SLC19A3: variants seen among roughly 807,000 people sequenced by gnomAD.
SLC19A3 encodes the protein solute carrier family 19 member 3.
SLC19A3 carries 31 observed loss-of-function variants against 40.2 expected under a neutral mutation model. The observed-to-expected ratio is 0.77, with a 90% CI of 0.58 to 1.04. SLC19A3 has a LOEUF of 1.04. Among genes scored for constraint, SLC19A3 ranks in the 50% least tolerant of loss-of-function variants. SLC19A3 has a pLI of 0.00. For missense variants in SLC19A3, 592 were observed against 596.7 expected (o/e 0.99, Z 0.08); for synonymous variants, 212 against 227.5 (o/e 0.93, Z 0.61).
intron 3 of SLC19A3, among the ~76,000 whole-genome samples, 192 bp downstream of exon 3, chr2:227,698,544 G>C (rs1695531846): frequency 6.6e-6 from 1 of 151,874 alleles, no homozygotes; most frequent in East Asian, 1.9e-4. Flanking sequence ...CGTGATCCAC[G>C]CGTCTCAGCT....
At chr2:227,710,898 A>G (rs1001522308) in intron 1 of SLC19A3, among the ~76,000 whole-genome samples, 8 of 152,228 alleles carry the variant, frequency 5.3e-5, no homozygotes, top group African/African-American at 1.9e-4. Flanking sequence ...TCTGATTACT[A>G]AAAACAAAAA....
intron 4 of SLC19A3, among the ~76,000 whole-genome samples, chr2:227,690,661 C>T (rs1391729564): frequency 2.4e-5 from 3 of 124,138 alleles, no homozygotes; most frequent in Admixed American, 2.1e-4. Flanking sequence ...GAGCTGAGAT[C>T]GTGCCACTGC....
At chr2:227,714,805 C>CTT (rs869073195) in intron 1 of SLC19A3, among the ~76,000 whole-genome samples, 1,586 of 79,916 alleles carry the variant, frequency 0.02, 74 homozygotes, top group East Asian at 0.028. Flanking sequence ...CCTGACTATT[C>CTT]TTTTTTTTTT....
chr2:227,707,557 G>A (rs1053551591), intron 1 of SLC19A3, among the ~76,000 whole-genome samples: 10 of 151,588 alleles, frequency 6.6e-5, no homozygotes, highest in East Asian at 1.9e-4. Flanking sequence ...CACTCCAGCC[G>A]GGCAACGGAG....
In SLC19A3 at chr2:227,699,315, C is replaced by T. The variant is rs755314399; in HGVS notation, c.400G>A (p.Glu134Lys). ...YAYIYSVVSP[E>K]HYQRVSGYCR... ...TAGCCGCTCACTCTCTGGTAGTGCT[C>T]GGGGCTGACCACGCTGTATATGTAG... The change falls in exon 3 of 6, where the codon GAG becomes AAG. Residue 134 changes from glutamate (E) to lysine (K), a missense_variant. By Grantham distance (56) the Glu-to-Lys change is moderately conservative. Transcript: ENST00000644224. 8.1e-6 allele frequency: 13 copies of T among 1,614,032 alleles called. No individual in the cohort carries two copies. In the African/African-American group the frequency reaches 1.1e-4, roughly 13 times the overall value.
At position 227,712,923 on chromosome 2, in the gene SLC19A3, G is replaced by A. The variant is rs1403184751; in HGVS notation, c.-3+5020C>T. Among the ~76,000 whole-genome samples the A allele has an allele frequency of 3.3e-5, 5 of 152,298 alleles. No individual in the cohort carries two copies. In the South Asian group the frequency reaches 8.3e-4, roughly 25 times the overall value. On this transcript the variant is annotated intron_variant, in intron 1 of 5. Coordinates refer to ENST00000644224, the MANE Select transcript of SLC19A3 (RefSeq NM_025243.4). ...CCTGGGGTGGGAGGTAGGGAAGAGA[G>A]TGACTGCAATAGAGCGCAGGGGAAC... is the stretch of plus-strand genomic sequence containing the variant.
intron 2 of SLC19A3, chr2:227,701,359 C>A (rs561917460): frequency 5.3e-6 from 1 of 189,776 alleles, no homozygotes; most frequent in Non-Finnish European, 1.1e-5. Context: ...CGGTGGCTCA[C>A]GCCTGTAATC....
chr2:227,688,770 A>G (rs1695115003), intron 4 of SLC19A3, among the ~76,000 whole-genome samples: 1 of 152,132 alleles, frequency 6.6e-6, no homozygotes, highest in Non-Finnish European at 1.5e-5. Flanking sequence ...GTTCTCACCA[A>G]ACAAACTAAA....
intron 1 of SLC19A3, among the ~76,000 whole-genome samples, chr2:227,708,293 T>G (rs1696020589): frequency 6.6e-6 from 1 of 152,200 alleles, no homozygotes; most frequent in African/African-American, 2.4e-5. Context: ...TTGCAACCTA[T>G]TACATGTTTG....
intron 4 of SLC19A3, among the ~76,000 whole-genome samples, chr2:227,690,038 A>G (rs1193763877): frequency 6.6e-6 from 1 of 152,216 alleles, no homozygotes; most frequent in Non-Finnish European, 1.5e-5. Flanking sequence ...AAATTAAATT[A>G]TATCACCAGA....
chr2:227,690,474 G>A lies in SLC19A3; in HGVS notation c.1173-2167C>T, dbSNP rs553535846. ...TGTAATCCCAGCACTTTGGGAGGCC[G>A]AGGTGGGCAGATCATGAGGTCAGGA... On this transcript the variant is annotated intron_variant, in intron 4 of 5. Coordinates refer to ENST00000644224, the MANE Select transcript of SLC19A3 (RefSeq NM_025243.4). 1.3e-4 allele frequency among the ~76,000 whole-genome samples: 20 copies of A among 152,066 alleles called. No individual in the cohort carries two copies. The South Asian group carries it at 3.3e-3, about 25-fold the overall frequency.
chr2:227,704,468 G>A (rs1244182970), intron 1 of SLC19A3, among the ~76,000 whole-genome samples: 1 of 152,202 alleles, frequency 6.6e-6, no homozygotes, highest in African/African-American at 2.4e-5. Context: ...GCACATGGAG[G>A]TGGTATGGTT....
Position 227,686,344 on chromosome 2 carries a change from A to G in SLC19A3, c.*1053T>C. The G allele has an allele frequency of 7.5e-6, 2 of 267,428 alleles. 1 individual carries two copies. Among genetic ancestry groups the G allele is most frequent in the South Asian group, 6.7e-5 (2 of 29,754 alleles). The allele number at this position is 267,428 out of a possible 1,614,324, so 16.6% of individuals were successfully genotyped here. On this transcript the variant is annotated 3_prime_UTR_variant, in exon 6 of 6. Transcript: ENST00000644224. Reference sequence around the variant, plus strand: ...TCTTTTTTGGGAGGAGGGGGATGAGAGTCTTACTCTGTTGCCCAGGCTGGA... The same window carrying G: ...TCTTTTTTGGGAGGAGGGGGATGAGGGTCTTACTCTGTTGCCCAGGCTGGA...
At chr2:227,693,695 G>T (rs1695317674) in intron 4 of SLC19A3, among the ~76,000 whole-genome samples, 1 of 152,032 alleles carries the variant, frequency 6.6e-6, no homozygotes, top group South Asian at 2.1e-4. Flanking sequence ...GATTTCTTGA[G>T]TACCCCACAA....
At position 227,686,153 on chromosome 2, in the gene SLC19A3, C is replaced by T. The variant is rs1045721246; in HGVS notation, c.*1244G>A. 25 of 446,636 alleles carry T rather than the reference C, an allele frequency of 5.6e-5. No homozygotes were observed. Among genetic ancestry groups the T allele is most frequent in the East Asian group, 3.0e-4 (4 of 13,394 alleles). 27.7% of individuals were successfully genotyped at this position (446,636 alleles called of 1,614,324 possible). On this transcript the variant is annotated 3_prime_UTR_variant, in exon 6 of 6. Coordinates refer to ENST00000644224, the MANE Select transcript of SLC19A3 (RefSeq NM_025243.4). ...TGAAGTTTGCAGTGAGCCAAGATCA[C>T]GCCATTGCATTCCAGCCTGGGTGAG...
At chr2:227,694,302 C>T (rs1412829718) in intron 4 of SLC19A3, among the ~76,000 whole-genome samples, 6 of 152,060 alleles carry the variant, frequency 3.9e-5, no homozygotes, top group African/African-American at 1.4e-4. Flanking sequence ...CCACTGTGCC[C>T]AGCCGTGAAT....
At chr2:227,694,781 G>T (rs749276216) in intron 4 of SLC19A3, among the ~76,000 whole-genome samples, 7 of 152,166 alleles carry the variant, frequency 4.6e-5, no homozygotes, top group African/African-American at 7.2e-5. Flanking sequence ...TAGATCTGGC[G>T]TGGTGGCTCA....
At chr2:227,705,031 C>T (rs550762077) in intron 1 of SLC19A3, among the ~76,000 whole-genome samples, 90 of 152,196 alleles carry the variant, frequency 5.9e-4, no homozygotes, top group African/African-American at 2.0e-3. Flanking sequence ...CAGGCACCCA[C>T]CATGCCTGGC....
chr2:227,690,278 T>C (rs1695171035), intron 4 of SLC19A3, among the ~76,000 whole-genome samples: 1 of 152,028 alleles, frequency 6.6e-6, no homozygotes. Context: ...AGATATGCCA[T>C]GCCAATGGAA....
Sources: gnomAD v4.1 joint callset for allele counts (sites outside exome capture counted in the v4.1 genomes callset) on GRCh38, gnomAD v4.1.1 for gene constraint, MANE v1.5 for transcripts, NCBI Gene and HGNC (gene_info 2026-07-23, HGNC 2026-07-21) for gene names.